MACROD2: variants seen among roughly 807,000 people sequenced by gnomAD.
The protein encoded by MACROD2 is mono-ADP ribosylhydrolase 2.
MACROD2 carries 36 observed loss-of-function variants against 70.4 expected under a neutral mutation model. The observed-to-expected ratio is 0.51, with a 90% CI of 0.39 to 0.68. The LOEUF is 0.68. Ranked by LOEUF, MACROD2 falls within the 30% of genes least tolerant of loss-of-function variation. MACROD2 has a pLI of 0.00. For missense variants in MACROD2, 496 were observed against 538.4 expected (o/e 0.92, Z 0.78); for synonymous variants, 172 against 178.8 (o/e 0.96, Z 0.30).
chr20:14,765,711 T>C (rs1417175801), intron 5 of MACROD2, among the ~76,000 whole-genome samples: 1 of 152,048 alleles, frequency 6.6e-6, no homozygotes, highest in Non-Finnish European at 1.5e-5. Context: ...AATAAAATCT[T>C]TAAAATAAAT....
chr20:15,435,763 T>C (rs1450419696), intron 7 of MACROD2, among the ~76,000 whole-genome samples: 1 of 152,128 alleles, frequency 6.6e-6, no homozygotes, highest in Non-Finnish European at 1.5e-5. Flanking sequence ...GATTTCACCC[T>C]AGAGAGAGTA....
chr20:15,845,172 T>C (rs1048354506), intron 8 of MACROD2, among the ~76,000 whole-genome samples: 1 of 152,086 alleles, frequency 6.6e-6, no homozygotes, highest in African/African-American at 2.4e-5. Flanking sequence ...GCAGATATAA[T>C]TAGTAAAGTT....
chr20:15,169,611 T>A (rs1185794608), intron 5 of MACROD2, among the ~76,000 whole-genome samples: 1 of 152,194 alleles, frequency 6.6e-6, no homozygotes, highest in African/African-American at 2.4e-5. Context: ...AATTGTCTAG[T>A]TTTCTCTAAG....
intron 8 of MACROD2, among the ~76,000 whole-genome samples, chr20:15,799,587 C>A (rs949537756): frequency 6.6e-6 from 1 of 152,168 alleles, no homozygotes; most frequent in African/African-American, 2.4e-5. Flanking sequence ...AATAATGCCT[C>A]CACCTCTATT....
rs550698152 is a variant in MACROD2, at chr20:16,021,289, C to T, written c.1154-19912C>T. Among the ~76,000 whole-genome samples the T allele has an allele frequency of 2.6e-5, 4 of 152,308 alleles. No homozygotes were observed. In the East Asian group the frequency reaches 7.7e-4, roughly 29 times the overall value. Reference sequence around the variant, plus strand: ...GACCGCATTCTCTCCTGGACATTGCCTCATCAGTGACTGCCATCTCTCCCT... The same window carrying T: ...GACCGCATTCTCTCCTGGACATTGCTTCATCAGTGACTGCCATCTCTCCCT... On this transcript the variant is annotated intron_variant, in intron 15 of 17. Transcript: ENST00000684519.
chr20:14,369,586 A>G (rs2083303883), intron 3 of MACROD2, among the ~76,000 whole-genome samples: 1 of 152,234 alleles, frequency 6.6e-6, no homozygotes, highest in Non-Finnish European at 1.5e-5. Flanking sequence ...CTGTGGGAAC[A>G]CAAGCTCTTG....
intron 6 of MACROD2, among the ~76,000 whole-genome samples, chr20:15,424,656 G>T (rs2046274150): frequency 6.6e-6 from 1 of 152,266 alleles, no homozygotes; most frequent in Admixed American, 6.5e-5. Flanking sequence ...GGACTTTGAG[G>T]CTGCAGTATG....
At chr20:14,786,286 T>C (rs183438013) in intron 5 of MACROD2, among the ~76,000 whole-genome samples, 83 of 151,384 alleles carry the variant, frequency 5.5e-4, no homozygotes, top group African/African-American at 1.9e-3. Flanking sequence ...AACCTTTCTT[T>C]TAAGATGGCT....
At chr20:14,799,571 G>T (rs1292911030) in intron 5 of MACROD2, among the ~76,000 whole-genome samples, 1 of 152,022 alleles carries the variant, frequency 6.6e-6, no homozygotes, top group East Asian at 1.9e-4. Context: ...GGCAAAAATA[G>T]GCATGGCATT....
At chr20:15,506,233 C>T (rs909632798) in intron 8 of MACROD2, among the ~76,000 whole-genome samples, 6 of 152,166 alleles carry the variant, frequency 3.9e-5, no homozygotes, top group Non-Finnish European at 7.3e-5. Context: ...GTTTCTACTG[C>T]GTGGAAGCAG....
chr20:15,089,770 T>A (rs1296220111), intron 5 of MACROD2, among the ~76,000 whole-genome samples: 1 of 152,074 alleles, frequency 6.6e-6, no homozygotes, highest in Admixed American at 6.6e-5. Flanking sequence ...TGTGATTTCT[T>A]ATTTTTTTCA....
At position 14,521,199 on chromosome 20, in the gene MACROD2, G is replaced by A. The variant is rs1293879336; in HGVS notation, c.301+27691G>A. ...GCCCTTCCTCATTCTAAGCAGGTTAGTTGTCACCCTCAGCTTGCATAAGCC... is the reference window on the plus strand; with the variant it reads ...GCCCTTCCTCATTCTAAGCAGGTTAATTGTCACCCTCAGCTTGCATAAGCC... On this transcript the variant is annotated intron_variant, in intron 4 of 17. Coordinates refer to ENST00000684519, the MANE Select transcript of MACROD2 (RefSeq NM_001351661.2). Among the ~76,000 whole-genome samples, 48 of 152,164 alleles carry A rather than the reference G, an allele frequency of 3.2e-4. 1 individual carries two copies. Among genetic ancestry groups the A allele is most frequent in the Admixed American group, 3.0e-3 (46 of 15,278 alleles).
At chr20:14,129,308 A>T (rs993842454) in intron 3 of MACROD2, among the ~76,000 whole-genome samples, 3 of 152,234 alleles carry the variant, frequency 2.0e-5, no homozygotes, top group Non-Finnish European at 4.4e-5. Context: ...TCAGTGGAGG[A>T]AGTCATAGCA....
chr20:14,675,517 C>T (rs1038907477), intron 4 of MACROD2, among the ~76,000 whole-genome samples: 1 of 152,108 alleles, frequency 6.6e-6, no homozygotes, highest in Admixed American at 6.6e-5. Flanking sequence ...GAGATTTTGT[C>T]ACCACCAGGC....
At chr20:15,866,139 G>A (rs938979922) in intron 9 of MACROD2, among the ~76,000 whole-genome samples, 4 of 152,192 alleles carry the variant, frequency 2.6e-5, no homozygotes, top group Non-Finnish European at 4.4e-5. Flanking sequence ...GCCAGGCACA[G>A]TGGCTCATGC....
chr20:15,409,897 G>T (rs191483660), intron 6 of MACROD2, among the ~76,000 whole-genome samples: 1 of 152,200 alleles, frequency 6.6e-6, no homozygotes, highest in African/African-American at 2.4e-5. Flanking sequence ...AACAGCGTGT[G>T]TTAAGCTAGA....
At chr20:14,943,226 G>A (rs1600855228) in intron 5 of MACROD2, among the ~76,000 whole-genome samples, 1 of 152,152 alleles carries the variant, frequency 6.6e-6, no homozygotes, top group South Asian at 2.1e-4. Flanking sequence ...GAGAGACAGG[G>A]TTGCAGGCAA....
chr20:14,226,708 T>G (rs1255214620), intron 3 of MACROD2, among the ~76,000 whole-genome samples: 2 of 152,178 alleles, frequency 1.3e-5, no homozygotes, highest in Non-Finnish European at 2.9e-5. Context: ...ACCGGCGCTG[T>G]GCTCGATTTC....
intron 5 of MACROD2, among the ~76,000 whole-genome samples, chr20:14,709,232 T>A: frequency 6.6e-6 from 1 of 152,186 alleles, no homozygotes; most frequent in Non-Finnish European, 1.5e-5. Context: ...ACTTACTTTT[T>A]TTTTTCAGTC....
Sources: gnomAD v4.1 joint callset for allele counts (sites outside exome capture counted in the v4.1 genomes callset) on GRCh38, gnomAD v4.1.1 for gene constraint, MANE v1.5 for transcripts, NCBI Gene and HGNC (gene_info 2026-07-23, HGNC 2026-07-21) for gene names.